CNTNAP5: variants seen among roughly 807,000 people sequenced by gnomAD.
CNTNAP5 encodes the protein contactin associated protein family member 5.
Under a neutral mutation model 150.2 loss-of-function variants are expected in CNTNAP5, and 72 were observed. The ratio of observed to expected loss-of-function variants is 0.48; its 90% CI spans 0.40 to 0.58. CNTNAP5 has a LOEUF of 0.58. Ranked by LOEUF, CNTNAP5 falls within the 20% of genes least tolerant of loss-of-function variation. The probability of loss-of-function intolerance (pLI) is 0.00; values close to 1 mark genes in which losing one functional copy is unlikely to be tolerated. For missense variants in CNTNAP5, 1,636 were observed against 1,626.2 expected, an observed-to-expected ratio of 1.01 and a Z score of -0.10; for synonymous variants, 672 against 619.8, an observed-to-expected ratio of 1.08 and a Z score of -1.25.
At chr2:124,034,354 A>T (rs997007672) in intron 1 of CNTNAP5, among the ~76,000 whole-genome samples, 3 of 152,156 alleles carry the variant, frequency 2.0e-5, no homozygotes, top group Non-Finnish European at 4.4e-5. Context: ...GGACAGCTAC[A>T]TTTCCATTTT....
intron 1 of CNTNAP5, among the ~76,000 whole-genome samples, chr2:124,109,090 C>T (rs1683236049): frequency 6.6e-6 from 1 of 152,196 alleles, no homozygotes; most frequent in Non-Finnish European, 1.5e-5. Context: ...CGGGCAGCTT[C>T]CTGAGCCGGC....
At chr2:124,774,183 G>T (rs1465045702) in intron 17 of CNTNAP5, among the ~76,000 whole-genome samples, 2 of 151,968 alleles carry the variant, frequency 1.3e-5, no homozygotes, top group African/African-American at 2.4e-5. Context: ...AGTCTACCCA[G>T]ATTTAACTTT....
chr2:124,101,931 G>A lies in CNTNAP5; in HGVS notation c.82+76199G>A, dbSNP rs182767599. ...TCAGTAGTTCTGTCTCATACCAGCC[G>A]TAGCCGCCTGGTGCCTGACTTGCCC... On this transcript the variant is annotated intron_variant, in intron 1 of 23. Coordinates refer to ENST00000682447, the MANE Select transcript of CNTNAP5 (RefSeq NM_001367498.1). Among the ~76,000 whole-genome samples the A allele has an allele frequency of 7.9e-4, 121 of 152,238 alleles. 4 individuals carry two copies. The highest frequency in any genetic ancestry group is 5.6e-3 in the Admixed American group (85 of 15,294).
intron 1 of CNTNAP5, among the ~76,000 whole-genome samples, chr2:124,077,997 G>A (rs1175975475): frequency 4.6e-5 from 7 of 152,124 alleles, no homozygotes; most frequent in African/African-American, 1.7e-4. Context: ...TGACAATGAA[G>A]TCAAATGTGT....
At chr2:124,130,056 C>T (rs1279390139) in intron 1 of CNTNAP5, among the ~76,000 whole-genome samples, 1 of 152,144 alleles carries the variant, frequency 6.6e-6, no homozygotes, top group Admixed American at 6.6e-5. Flanking sequence ...AATTCAAAGC[C>T]TCAAGCTATT....
At position 124,464,251 on chromosome 2, in the gene CNTNAP5, C is replaced by T. The variant is rs753786019; in HGVS notation, c.919-10488C>T. 3.3e-5 allele frequency among the ~76,000 whole-genome samples: 5 copies of T among 152,130 alleles called. No individual in the cohort carries two copies. In the East Asian group the frequency reaches 9.7e-4, roughly 30 times the overall value. ...TGAAGCAAGGGAGCGCAGGCACTTT[C>T]TAAATGAGGAGCACTATCAAGAACA... On this transcript the variant is annotated intron_variant, in intron 6 of 23. Transcript: ENST00000682447.
intron 1 of CNTNAP5, among the ~76,000 whole-genome samples, chr2:124,211,343 T>A (rs1218734610): frequency 6.6e-6 from 1 of 152,188 alleles, no homozygotes; most frequent in African/African-American, 2.4e-5. Context: ...TTTACATGAA[T>A]TGTCACTTTT....
intron 18 of CNTNAP5, among the ~76,000 whole-genome samples, chr2:124,791,128 C>T (rs935127835): frequency 6.6e-6 from 1 of 152,112 alleles, no homozygotes; most frequent in Non-Finnish European, 1.5e-5. Flanking sequence ...CTTCGAAGCA[C>T]CTTTACAAAG....
intron 1 of CNTNAP5, among the ~76,000 whole-genome samples, chr2:124,160,314 G>C (rs1481399571): frequency 6.6e-6 from 1 of 152,114 alleles, no homozygotes; most frequent in Non-Finnish European, 1.5e-5. Context: ...TCAGTGGATT[G>C]AATAAGACAT....
At chr2:124,523,509 C>CT (rs1202272361) in intron 8 of CNTNAP5, among the ~76,000 whole-genome samples, 1 of 152,156 alleles carries the variant, frequency 6.6e-6, no homozygotes, top group Non-Finnish European at 1.5e-5. Context: ...GTTCCCAAAA[C>CT]AGTTTTTTCA....
intron 3 of CNTNAP5, among the ~76,000 whole-genome samples, chr2:124,262,666 A>G (rs1239515437): frequency 6.6e-6 from 1 of 151,018 alleles, no homozygotes; most frequent in Non-Finnish European, 1.5e-5. Context: ...TTTTTTTTTA[A>G]TACTTTAAGT....
intron 1 of CNTNAP5, among the ~76,000 whole-genome samples, chr2:124,198,198 G>A (rs1167287819): frequency 6.7e-6 from 1 of 150,302 alleles, no homozygotes; most frequent in Non-Finnish European, 1.5e-5. Context: ...TTTTTTTTAA[G>A]TTTGTCTTCA....
At chr2:124,799,407 C>G (rs1681917987) in intron 19 of CNTNAP5, among the ~76,000 whole-genome samples, 1 of 152,160 alleles carries the variant, frequency 6.6e-6, no homozygotes, top group South Asian at 2.1e-4. Flanking sequence ...AGATCAAAAA[C>G]TTATGGGGTA....
intron 1 of CNTNAP5, among the ~76,000 whole-genome samples, chr2:124,070,817 A>G (rs1381145092): frequency 6.6e-6 from 1 of 152,028 alleles, no homozygotes; most frequent in African/African-American, 2.4e-5. Flanking sequence ...AGAAAGAAAC[A>G]TCAGATTTAA....
chr2:124,811,435 A>T (rs1682216119), intron 19 of CNTNAP5, among the ~76,000 whole-genome samples: 1 of 152,166 alleles, frequency 6.6e-6, no homozygotes, highest in Non-Finnish European at 1.5e-5. Context: ...CTATTGTTAG[A>T]TTATAAAGAA....
intron 2 of CNTNAP5, among the ~76,000 whole-genome samples, chr2:124,227,418 C>T (rs1288749771): frequency 6.6e-6 from 1 of 152,104 alleles, no homozygotes; most frequent in Non-Finnish European, 1.5e-5. Flanking sequence ...CACACACACT[C>T]CCTCTCTCCC....
intron 3 of CNTNAP5, among the ~76,000 whole-genome samples, chr2:124,346,851 A>G (rs888950249): frequency 6.7e-6 from 1 of 148,828 alleles, no homozygotes; most frequent in Non-Finnish European, 1.5e-5. Context: ...TGGGAGGATC[A>G]CCTGAGGTCA....
intron 1 of CNTNAP5, among the ~76,000 whole-genome samples, chr2:124,096,644 G>A (rs1042182631): frequency 2.0e-5 from 3 of 151,534 alleles, no homozygotes; most frequent in Admixed American, 2.0e-4. Context: ...CCTAGCTCTG[G>A]GAAAATTGTT....
At chr2:124,110,865 G>T (rs1036608) in intron 1 of CNTNAP5, among the ~76,000 whole-genome samples, 91,500 of 151,796 alleles carry the variant, frequency 0.6, 28,080 homozygotes, top group South Asian at 0.67. Context: ...CATTTGATCT[G>T]CACAAAGGCC....
Sources: allele counts gnomAD v4.1 joint callset (sites outside exome capture counted in the v4.1 genomes callset), GRCh38; gene constraint gnomAD v4.1.1; transcripts MANE v1.5; gene names NCBI Gene and HGNC (gene_info 2026-07-23, HGNC 2026-07-21).